The following TLN2 variants were observed in gnomAD, a reference collection of about 807,000 sequenced individuals.
TLN2 encodes talin-2.
In TLN2, 118 loss-of-function variants were observed where a neutral mutation model predicts 294.7. The observed-to-expected ratio is 0.40, with a 90% CI of 0.34 to 0.47. The LOEUF (loss-of-function observed/expected upper bound fraction) is 0.47. Ranked by LOEUF, TLN2 falls within the 20% of genes least tolerant of loss-of-function variation. TLN2 has a pLI of 0.84. For missense variants in TLN2, 3,083 were observed against 3,282.2 expected (o/e 0.94, Z 1.48); for synonymous variants, 1,431 against 1,304.5 (o/e 1.10, Z -2.09).
intron 1 of TLN2, among the ~76,000 whole-genome samples, chr15:62,550,528 A>G (rs1377353001): frequency 6.6e-6 from 1 of 152,234 alleles, no homozygotes; most frequent in Non-Finnish European, 1.5e-5. Flanking sequence ...GATTCAAGAC[A>G]GAATAAATGT....
At chr15:62,747,333 A>G (rs992450051) in intron 32 of TLN2, among the ~76,000 whole-genome samples, 1 of 152,220 alleles carries the variant, frequency 6.6e-6, no homozygotes, top group Admixed American at 6.5e-5. Context: ...GTAAAGTCAT[A>G]TAAGAGTCCC....
intron 17 of TLN2, 78 bp downstream of exon 17, chr15:62,701,292 G>A: frequency 3.4e-6 from 4 of 1,175,188 alleles, no homozygotes; most frequent in Non-Finnish European, 2.4e-6. Context: ...TAAAAAATAA[G>A]TTATCTGTTG....
chr15:62,538,368 A>G (rs1456440948), intron 1 of TLN2, among the ~76,000 whole-genome samples: 5 of 152,188 alleles, frequency 3.3e-5, no homozygotes, highest in Non-Finnish European at 7.3e-5. Flanking sequence ...TATTAGCCCT[A>G]ATTCTTATAG....
At chr15:62,607,128 TC>T (rs2047518897) in intron 2 of TLN2, among the ~76,000 whole-genome samples, 1 of 152,174 alleles carries the variant, frequency 6.6e-6, no homozygotes, top group African/African-American at 2.4e-5. Context: ...GGATGTTACT[TC>T]CTTTTTGAGC....
chr15:62,654,964 C>T (rs1038637093), intron 7 of TLN2, among the ~76,000 whole-genome samples: 1 of 152,008 alleles, frequency 6.6e-6, no homozygotes, highest in East Asian at 1.9e-4. Flanking sequence ...CCTCTTTCCT[C>T]CTTTCATTGT....
chr15:62,779,527 G>C (rs1381319783), intron 43 of TLN2, among the ~76,000 whole-genome samples: 1 of 152,184 alleles, frequency 6.6e-6, no homozygotes, highest in African/African-American at 2.4e-5. Flanking sequence ...TCACTACTTT[G>C]TTCTTTCTTT....
intron 19 of TLN2, among the ~76,000 whole-genome samples, chr15:62,704,057 G>A (rs2058902528): frequency 1.3e-5 from 2 of 152,120 alleles, no homozygotes; most frequent in Non-Finnish European, 2.9e-5. Flanking sequence ...TCTGAAAGAT[G>A]CCCTTTTCCA....
chr15:62,769,981 G>A (rs1166028215), intron 41 of TLN2, among the ~76,000 whole-genome samples: 1 of 152,176 alleles, frequency 6.6e-6, no homozygotes, highest in East Asian at 1.9e-4. Flanking sequence ...CTGATGCCAG[G>A]TAGAGGGTCA....
chr15:62,692,161 C>T (rs1258533450), intron 12 of TLN2, among the ~76,000 whole-genome samples: 5 of 152,182 alleles, frequency 3.3e-5, no homozygotes, highest in Admixed American at 6.5e-5. Context: ...TGCTCAAACC[C>T]TGTTGGTTCT....
At chr15:62,620,410 C>T (rs889125233) in intron 3 of TLN2, among the ~76,000 whole-genome samples, 1 of 152,120 alleles carries the variant, frequency 6.6e-6, no homozygotes, top group Admixed American at 6.5e-5. Context: ...AAATGGCCTG[C>T]CTACTGCTTT....
intron 39 of TLN2, 137 bp downstream of exon 39, chr15:62,762,590 C>T: frequency 2.1e-6 from 2 of 953,604 alleles, no homozygotes; most frequent in Non-Finnish European, 3.1e-6. Flanking sequence ...GGGCCGGAAG[C>T]ACTGGTCACA....
intron 1 of TLN2, among the ~76,000 whole-genome samples, chr15:62,542,858 G>A (rs1051627541): frequency 3.3e-4 from 50 of 151,988 alleles, no homozygotes; most frequent in Non-Finnish European, 2.5e-4. Context: ...CCATAGAAGA[G>A]CCAGCAACTT....
chr15:62,741,530 G>A (rs2061318840), intron 32 of TLN2, among the ~76,000 whole-genome samples: 1 of 152,142 alleles, frequency 6.6e-6, no homozygotes, highest in African/African-American at 2.4e-5. Flanking sequence ...AGAGAGTAGG[G>A]TGGTCATGAT....
chr15:62,455,297 A>G (rs897008300), intron 1 of TLN2, among the ~76,000 whole-genome samples: 6 of 152,052 alleles, frequency 3.9e-5, no homozygotes, highest in Non-Finnish European at 8.8e-5. Flanking sequence ...TGGGGAACTC[A>G]GGAAGGGGTT....
chr15:62,657,998 T>C, intron 9 of TLN2, 100 bp downstream of exon 9: 1 of 1,174,246 alleles, frequency 8.5e-7, no homozygotes, highest in Non-Finnish European at 1.2e-6. Flanking sequence ...TACCCTAATT[T>C]CAATCATTTG....
rs544997176 is a variant in TLN2 at position 62,716,300 on chromosome 15, C to G, written c.2635-31C>G. ...GAATTCAGTGATGTCTCCTGCTGGACCACTTGAAATCTTTATTTTTGCCTT... is the reference window on the plus strand; with the variant it reads ...GAATTCAGTGATGTCTCCTGCTGGAGCACTTGAAATCTTTATTTTTGCCTT... On this transcript the variant is annotated intron_variant, in intron 22 of 58. Transcript: ENST00000636159. 2.4e-5 allele frequency: 37 copies of G among 1,553,224 alleles called. No individual in the cohort carries two copies. In the South Asian group the frequency reaches 4.5e-4, roughly 19 times the overall value.
chr15:62,839,676 G>A (rs1276872980), intron 58 of TLN2, among the ~76,000 whole-genome samples: 5 of 152,198 alleles, frequency 3.3e-5, no homozygotes, highest in Admixed American at 1.3e-4. Context: ...CGCATCAGGA[G>A]CACTGAAGTT....
Position 62,677,806 on chromosome 15 carries a change from C to CTTTTTTTTTTTTTCT in TLN2, c.957+2498_957+2499insCTTTTTTTTTTTTTT, listed in dbSNP as rs1555466886. 1.5e-4 allele frequency among the ~76,000 whole-genome samples: 11 copies of CTTTTTTTTTTTTTCT among 75,270 alleles called. 2 individuals carry two copies. The East Asian group carries it at 3.8e-3, about 26-fold the overall frequency. 49.4% of individuals were successfully genotyped at this position (75,270 alleles called of 152,430 possible). On this transcript the variant is annotated intron_variant, in intron 11 of 58. Coordinates refer to ENST00000636159, the MANE Select transcript of TLN2 (RefSeq NM_015059.3). ...TTAAGAAAGTAGGCAGCACTTGCAA[C>CTTTTTTTTTTTTTCT]TTTTTTTTTTTTTTTGAGACGGAGA...
At chr15:62,542,967 G>GTC (rs2041786128) in intron 1 of TLN2, among the ~76,000 whole-genome samples, 1 of 152,142 alleles carries the variant, frequency 6.6e-6, no homozygotes, top group Non-Finnish European at 1.5e-5. Flanking sequence ...CAGAGAAATG[G>GTC]ACTGGCTACA....
Sources: gnomAD v4.1 joint callset for allele counts (sites outside exome capture counted in the v4.1 genomes callset) on GRCh38, gnomAD v4.1.1 for gene constraint, MANE v1.5 for transcripts, NCBI Gene and HGNC (gene_info 2026-07-23, HGNC 2026-07-21) for gene names.